Variants in ADAMTS18 observed in about 807,000 individuals in gnomAD.
ADAMTS18 encodes the protein ADAM metallopeptidase with thrombospondin type 1 motif 18.
Under a neutral mutation model 165.9 loss-of-function variants are expected in ADAMTS18, and 157 were observed. The ratio of observed to expected loss-of-function variants is 0.95; its 90% CI spans 0.83 to 1.08. The LOEUF (loss-of-function observed/expected upper bound fraction) is 1.08, where lower values mean the gene tolerates loss of function less well. ADAMTS18 is among the 50% of genes least tolerant of loss of function. The probability of loss-of-function intolerance (pLI) is 0.00; values close to 1 mark genes in which losing one functional copy is unlikely to be tolerated. For missense variants in ADAMTS18, 2,040 were observed against 1,534.0 expected, an observed-to-expected ratio of 1.33 and a Z score of -5.51; for synonymous variants, 782 against 578.2, an observed-to-expected ratio of 1.35 and a Z score of -5.06.
At chr16:77,421,322 G>A (rs953257436) in intron 3 of ADAMTS18, among the ~76,000 whole-genome samples, 11 of 152,204 alleles carry the variant, frequency 7.2e-5, no homozygotes, top group Non-Finnish European at 1.2e-4. Context: ...ATAGAAAACC[G>A]TGGGAACGGG....
At chr16:77,426,285 T>C (rs979891747) in intron 3 of ADAMTS18, among the ~76,000 whole-genome samples, 3 of 152,190 alleles carry the variant, frequency 2.0e-5, no homozygotes, top group African/African-American at 7.2e-5. Flanking sequence ...AGTATCTATT[T>C]TGGGTACCAT....
rs1027304794 is a variant in ADAMTS18 at position 77,367,654 on chromosome 16, G to A, written c.565C>T (p.His189Tyr). The change falls in exon 4 of 23, where the codon CAC (histidine) becomes TAC (tyrosine). Residue 189 changes from histidine to tyrosine, a missense_variant. By Grantham distance (83) the His-to-Tyr change is moderately conservative. Transcript: ENST00000282849. ...TGACCCGCAGGGGAGCTGTAGTTGT[G>A]TTCCTGGGCCAGAAGCTGAGGTAAT... is the stretch of plus-strand genomic sequence containing the variant. ...SPLPQLLAQEHNYSSPAGHHP... is the reference protein window; with the variant it reads ...SPLPQLLAQEYNYSSPAGHHP... 6.2e-7 allele frequency: 1 copy of A among 1,614,164 alleles called. No homozygotes were observed. The highest frequency in any genetic ancestry group is 8.5e-7 in the Non-Finnish European group (1 of 1,180,034).
intron 3 of ADAMTS18, among the ~76,000 whole-genome samples, chr16:77,397,423 T>C (rs2057272750): frequency 6.6e-6 from 1 of 152,214 alleles, no homozygotes; most frequent in Non-Finnish European, 1.5e-5. Context: ...ATTTTCATTA[T>C]CATTCAGCAG....
intron 12 of ADAMTS18, among the ~76,000 whole-genome samples, chr16:77,329,079 C>A (rs1398681738): frequency 6.6e-6 from 1 of 151,654 alleles, no homozygotes; most frequent in African/African-American, 2.4e-5. Flanking sequence ...AGGGAGCTGG[C>A]CTTTTACAAT....
At chr16:77,308,603 A>G (rs1486656230) in intron 16 of ADAMTS18, among the ~76,000 whole-genome samples, 1 of 151,684 alleles carries the variant, frequency 6.6e-6, no homozygotes, top group Non-Finnish European at 1.5e-5. Flanking sequence ...AAACTTGTGT[A>G]CATTTTAATC....
At position 77,283,972 on chromosome 16, in the gene ADAMTS18, C is replaced by T; in HGVS notation, c.3650G>A (p.Cys1217Tyr). ...KFYGKQCCKSCTRKI is the reference protein window; with the variant it reads ...KFYGKQCCKSYTRKI Reference sequence around the variant, plus strand: ...ACACCAAGATCAGATCTTCCTTGTGCATGACTTGCAGCATTGTTTTCCGTA... The same window carrying T: ...ACACCAAGATCAGATCTTCCTTGTGTATGACTTGCAGCATTGTTTTCCGTA... The change falls in exon 23 of 23, where the codon TGC becomes TAC. Residue 1217 changes from cysteine (C) to tyrosine (Y), a missense_variant. Cys to Tyr is a radical substitution (Grantham distance 194). Coordinates refer to ENST00000282849, the MANE Select transcript of ADAMTS18 (RefSeq NM_199355.4). 1 of 1,613,768 alleles carries T rather than the reference C, an allele frequency of 6.2e-7. No individual in the cohort carries two copies. Among genetic ancestry groups the T allele is most frequent in the East Asian group, 2.2e-5 (1 of 44,854 alleles).
chr16:77,361,127 T>A (rs1597170091), intron 7 of ADAMTS18, among the ~76,000 whole-genome samples: 1 of 152,210 alleles, frequency 6.6e-6, no homozygotes, highest in Admixed American at 6.5e-5. Context: ...TTAAAACACA[T>A]CTGCATTCAT....
intron 3 of ADAMTS18, among the ~76,000 whole-genome samples, chr16:77,411,934 G>C (rs1984761): frequency 6.6e-6 from 1 of 151,000 alleles, no homozygotes; most frequent in African/African-American, 2.4e-5. Context: ...TGTTTCACCT[G>C]CCTTAGCCTC....
At chr16:77,315,158 A>T (rs1351710058) in intron 16 of ADAMTS18, among the ~76,000 whole-genome samples, 2 of 151,868 alleles carry the variant, frequency 1.3e-5, no homozygotes, top group East Asian at 3.9e-4. Flanking sequence ...TCATGGCCTA[A>T]AAAAAAATTT....
At chr16:77,313,487 A>T (rs138583532) in intron 16 of ADAMTS18, among the ~76,000 whole-genome samples, 2 of 36,562 alleles carry the variant, frequency 5.5e-5, no homozygotes, top group African/African-American at 2.4e-4. Context: ...CTCAAGGTTT[A>T]AAAAAAAAAA....
In ADAMTS18 at chr16:77,325,903, T is replaced by A; in HGVS notation, c.1995A>T (p.Gly665=). 3 of 1,614,012 alleles carry A rather than the reference T, an allele frequency of 1.9e-6. No individual in the cohort carries two copies. Among genetic ancestry groups the A allele is most frequent in the East Asian group, 2.2e-5 (1 of 44,858 alleles). The change falls in exon 13 of 23, where the codon GGA becomes GGT. Residue 665 remains glycine (G), a synonymous_variant. Coordinates refer to ENST00000282849, the MANE Select transcript of ADAMTS18 (RefSeq NM_199355.4). The stretch of plus-strand genomic sequence containing the variant: ...TATAGGGTTTCCACTGGTAGAACCA[T>A]CCACGGAAAGGTTTGCTGTTATATT... The part of the protein sequence containing the change: ...CAEYNSKPFR[G]WFYQWKPYTK...
At chr16:77,427,892 T>C (rs577254088) in intron 3 of ADAMTS18, among the ~76,000 whole-genome samples, 210 of 152,366 alleles carry the variant, frequency 1.4e-3, no homozygotes, top group Non-Finnish European at 1.9e-3. Flanking sequence ...AGCTGGAGTA[T>C]GTATGCACGC....
At chr16:77,307,957 C>T (rs533841642) in intron 16 of ADAMTS18, among the ~76,000 whole-genome samples, 57 of 152,236 alleles carry the variant, frequency 3.7e-4, no homozygotes, top group African/African-American at 1.2e-3. Context: ...CTGTCATCTC[C>T]TTTGGCCAAA....
In ADAMTS18 at chr16:77,326,589, C is replaced by G. The variant is rs914208974; in HGVS notation, c.1860-551G>C. ...GTTGAGATGTGGTTTCGCCATGTTG[C>G]CCAGGCCAGTCTCAAACTCCTCGGT... On this transcript the variant is annotated intron_variant, in intron 12 of 22. Transcript: ENST00000282849. Among the ~76,000 whole-genome samples the G allele has an allele frequency of 4.3e-4, 65 of 152,228 alleles. 1 individual carries two copies. Among genetic ancestry groups the G allele is most frequent in the African/African-American group, 1.6e-3 (65 of 41,542 alleles).
intron 10 of ADAMTS18, among the ~76,000 whole-genome samples, chr16:77,349,586 T>C (rs534155817): frequency 1.4e-5 from 2 of 147,728 alleles, no homozygotes; most frequent in South Asian, 2.2e-4. Context: ...TGAATAACTA[T>C]TGTTCCCTAC....
intron 8 of ADAMTS18, among the ~76,000 whole-genome samples, chr16:77,358,155 A>G (rs2562111): frequency 0.37 from 55,499 of 151,822 alleles, 10,974 homozygotes; most frequent in Non-Finnish European, 0.45. Flanking sequence ...ATTCATATCT[A>G]GGAAAGTGTG....
At chr16:77,393,732 G>A (rs1024337056) in intron 3 of ADAMTS18, among the ~76,000 whole-genome samples, 1 of 152,180 alleles carries the variant, frequency 6.6e-6, no homozygotes, top group Non-Finnish European at 1.5e-5. Context: ...ATACATTTCT[G>A]CTGTTTATAA....
intron 16 of ADAMTS18, among the ~76,000 whole-genome samples, chr16:77,303,978 C>T (rs1026325784): frequency 1.3e-5 from 2 of 151,960 alleles, no homozygotes; most frequent in Non-Finnish European, 1.5e-5. Flanking sequence ...TGCAGTGAGC[C>T]GAGATCACGC....
intron 10 of ADAMTS18, among the ~76,000 whole-genome samples, chr16:77,349,929 C>T (rs2056531501): frequency 6.6e-6 from 1 of 152,202 alleles, no homozygotes; most frequent in Non-Finnish European, 1.5e-5. Flanking sequence ...TAAAACTGAG[C>T]TCCTGCTATG....
Sources: allele counts gnomAD v4.1 joint callset (sites outside exome capture counted in the v4.1 genomes callset), GRCh38; gene constraint gnomAD v4.1.1; transcripts MANE v1.5; gene names NCBI Gene and HGNC (gene_info 2026-07-23, HGNC 2026-07-21).